Variants in MEF2D observed in about 807,000 individuals in gnomAD.
The protein encoded by MEF2D is myocyte-specific enhancer factor 2D.
MEF2D carries 10 observed loss-of-function variants against 59.3 expected under a neutral mutation model. That is an observed-to-expected ratio of 0.17 (90% CI 0.10 to 0.29). The LOEUF is 0.29. Ranked by LOEUF, MEF2D falls within the 10% of genes least tolerant of loss-of-function variation. The pLI is 1.00. For synonymous variants in MEF2D, 305 were observed against 295.0 expected (o/e 1.03, Z -0.35); for missense variants, 508 against 699.4 (o/e 0.73, Z 3.09).
At chr1:156,498,125 A>C (rs1020052163) in intron 1 of MEF2D, among the ~76,000 whole-genome samples, 8 of 150,794 alleles carry the variant, frequency 5.3e-5, no homozygotes, top group Middle Eastern at 3.2e-3. Context: ...AAAAAAAAAA[A>C]AACCCTGCTA....
intron 9 of MEF2D, among the ~76,000 whole-genome samples, chr1:156,470,694 T>C (rs184363634): frequency 6.6e-6 from 1 of 152,214 alleles, no homozygotes; most frequent in Non-Finnish European, 1.5e-5. Flanking sequence ...GTAAGTTACT[T>C]ACTCTGCCTA....
In MEF2D at chr1:156,483,355, A is replaced by AC; in HGVS notation, c.-64dup. The AC allele has an allele frequency of 6.9e-7, 1 of 1,459,016 alleles. No individual in the cohort carries two copies. The highest frequency in any genetic ancestry group is 9.6e-7 in the Non-Finnish European group (1 of 1,039,214). 90.4% of individuals were successfully genotyped at this position (1,459,016 alleles called of 1,614,324 possible). ...CTCGCTGGGTGGTGGGTCTCGGCACACCTTACACTGTGCTCATGAACGGTC... is the reference window on the plus strand; with the variant it reads ...CTCGCTGGGTGGTGGGTCTCGGCACACCCTTACACTGTGCTCATGAACGGTC... On this transcript the variant is annotated 5_prime_UTR_variant, in exon 2 of 12. Transcript: ENST00000348159.
chr1:156,493,024 C>G (rs1003829373), intron 1 of MEF2D, among the ~76,000 whole-genome samples: 1 of 152,190 alleles, frequency 6.6e-6, no homozygotes, highest in Non-Finnish European at 1.5e-5. Context: ...AGCAGACAGT[C>G]TCAGAAGGGC....
At position 156,500,687 on chromosome 1, in the gene MEF2D, A is replaced by C. The variant is rs918834149; in HGVS notation, c.-340T>G. The C allele has an allele frequency of 2.3e-4, 35 of 152,032 alleles. No individual in the cohort carries two copies. The highest frequency in any genetic ancestry group is 8.0e-4 in the African/African-American group (33 of 41,402). 9.4% of individuals were successfully genotyped at this position (152,032 alleles called of 1,614,324 possible). On this transcript the variant is annotated 5_prime_UTR_variant, in exon 1 of 12. Transcript: ENST00000348159. Reference sequence around the variant, plus strand: ...GGGGGCCAGCAGGCGGGCGGCAGGCAAGCGGGGAACCGGGGCCGAGCGCCT... The same window carrying C: ...GGGGGCCAGCAGGCGGGCGGCAGGCCAGCGGGGAACCGGGGCCGAGCGCCT...
rs775183372 is a variant in MEF2D at position 156,464,958 on chromosome 1, C to T, written c.*2687G>A. 3.3e-5 allele frequency: 5 copies of T among 152,250 alleles called. No individual in the cohort carries two copies. The highest frequency in any genetic ancestry group is 5.9e-5 in the Non-Finnish European group (4 of 68,058). 9.4% of individuals were successfully genotyped at this position (152,250 alleles called of 1,614,324 possible). ...AGGCCATTCATTCATTTATTGAGCA[C>T]CTATCATTCAACTATTCACCCATTC... On this transcript the variant is annotated 3_prime_UTR_variant, in exon 12 of 12. Transcript: ENST00000348159.
At position 156,464,092 on chromosome 1, in the gene MEF2D, C is replaced by A. The variant is rs947174478; in HGVS notation, c.*3553G>T. 1.3e-5 allele frequency: 2 copies of A among 152,534 alleles called. No individual in the cohort carries two copies. Among genetic ancestry groups the A allele is most frequent in the Non-Finnish European group, 2.9e-5 (2 of 68,048 alleles). The allele number at this position is 152,534 out of a possible 1,614,324, so 9.4% of individuals were successfully genotyped here. On this transcript the variant is annotated 3_prime_UTR_variant, in exon 12 of 12. Transcript: ENST00000348159. ...CAGATTCTCCATTCCAGCCTCCCTCCCCCCATACAAATACCATTCCTTCTA... is the reference window on the plus strand; with the variant it reads ...CAGATTCTCCATTCCAGCCTCCCTCACCCCATACAAATACCATTCCTTCTA...
At chr1:156,495,118 C>T (rs1673053153) in intron 1 of MEF2D, among the ~76,000 whole-genome samples, 1 of 152,152 alleles carries the variant, frequency 6.6e-6, no homozygotes, top group Admixed American at 6.5e-5. Flanking sequence ...GGGGCTTTCT[C>T]CATGACACTC....
At chr1:156,499,236 A>AT (rs1673329405) in intron 1 of MEF2D, among the ~76,000 whole-genome samples, 1 of 152,192 alleles carries the variant, frequency 6.6e-6, no homozygotes, top group East Asian at 1.9e-4. Flanking sequence ...CACTGAAGGG[A>AT]TAGGAGGAGG....
At chr1:156,480,615 G>A (rs776741839) in intron 4 of MEF2D, 3 of 1,533,158 alleles carry the variant, frequency 2.0e-6, no homozygotes. Flanking sequence ...TGCACCACAG[G>A]GAGGCTCTGC....
chr1:156,481,698 G>A (rs951597743), intron 3 of MEF2D, among the ~76,000 whole-genome samples: 1 of 152,172 alleles, frequency 6.6e-6, no homozygotes, highest in African/African-American at 2.4e-5. Context: ...TAAAAATAAG[G>A]GACTTTCCTC....
In MEF2D at chr1:156,479,623, A is replaced by G. The variant is rs1671850948; in HGVS notation, c.570T>C (p.Ser190=). 6.4e-7 allele frequency: 1 copy of G among 1,552,712 alleles called. No individual in the cohort carries two copies. The highest frequency in any genetic ancestry group is 8.7e-7 in the Non-Finnish European group (1 of 1,147,822). ...SPQQPALQRN[S]VSPGLPQRPA... is the part of the protein sequence containing the mutation. ...GCCGCTGGGGCAGGCCAGGAGACAC[A>G]CTGTTCCTCTGTAGTGCTGGCTGCT... Residue 190 remains serine, a synonymous_variant, in exon 5 of 12, where the codon AGT becomes AGC. Coordinates refer to ENST00000348159, the MANE Select transcript of MEF2D (RefSeq NM_005920.4).
chr1:156,499,455 T>C (rs7538905), intron 1 of MEF2D: 143,011 of 152,156 alleles, frequency 0.94, 67,329 homozygotes, highest in East Asian at 1. Context: ...GTCGGTGGCT[T>C]CTAGAGTGCC....
chr1:156,471,733 G>A (rs964739164), intron 9 of MEF2D, among the ~76,000 whole-genome samples: 2 of 152,218 alleles, frequency 1.3e-5, no homozygotes, highest in Non-Finnish European at 2.9e-5. Context: ...ACCCCCAGCC[G>A]GAACTTGAAC....
Position 156,464,741 on chromosome 1 carries a change from G to C in MEF2D, c.*2904C>G, listed in dbSNP as rs1206914799. The C allele has an allele frequency of 6.6e-6, 1 of 152,224 alleles. No individual in the cohort carries two copies. Among genetic ancestry groups the C allele is most frequent in the African/African-American group, 2.4e-5 (1 of 41,434 alleles). 9.4% of individuals were successfully genotyped at this position (152,224 alleles called of 1,614,324 possible). On this transcript the variant is annotated 3_prime_UTR_variant, in exon 12 of 12. Transcript: ENST00000348159. Reference sequence around the variant, plus strand: ...ACAGACCACCCCATCCCCAGGGACAGAGAAGAAAGGACACTGAAACATCCA... The same window carrying C: ...ACAGACCACCCCATCCCCAGGGACACAGAAGAAAGGACACTGAAACATCCA...
At position 156,464,920 on chromosome 1, in the gene MEF2D, G is replaced by A. The variant is rs1275000412; in HGVS notation, c.*2725C>T. ...GGTGGGCAGACTAATGGTGGGAATA[G>A]CCTGAGAAGGGAAGGCCATTCATTC... On this transcript the variant is annotated 3_prime_UTR_variant, in exon 12 of 12. Transcript: ENST00000348159. The A allele has an allele frequency of 6.6e-6, 1 of 152,266 alleles. No homozygotes were observed. Among genetic ancestry groups the A allele is most frequent in the Non-Finnish European group, 1.5e-5 (1 of 68,064 alleles). 9.4% of individuals were successfully genotyped at this position (152,266 alleles called of 1,614,324 possible). A position where few individuals can be genotyped will look rare whatever the true frequency, so the allele number is the denominator to read the frequency against.
chr1:156,469,442 G>C (rs2003401), intron 9 of MEF2D, among the ~76,000 whole-genome samples: 1 of 152,086 alleles, frequency 6.6e-6, no homozygotes, highest in Non-Finnish European at 1.5e-5. Context: ...ATTTTTAGTA[G>C]AGATGGGGTT....
chr1:156,488,669 C>T lies in MEF2D; in HGVS notation c.-138-5239G>A, dbSNP rs74116854. ...CATGGGAGAAGAAACAGGTCCCTGC[C>T]TCCCCCAATGCAACACCTCTGGGTA... On this transcript the variant is annotated intron_variant, in intron 1 of 11. Coordinates refer to ENST00000348159, the MANE Select transcript of MEF2D (RefSeq NM_005920.4). 9.5e-3 allele frequency among the ~76,000 whole-genome samples: 1,443 copies of T among 152,292 alleles called. 16 individuals are homozygous for T. Among genetic ancestry groups the T allele is most frequent in the South Asian group, 0.029 (139 of 4,826 alleles).
intron 3 of MEF2D, among the ~76,000 whole-genome samples, chr1:156,481,277 G>C (rs756211081): frequency 7.2e-5 from 11 of 152,168 alleles, no homozygotes; most frequent in African/African-American, 2.7e-4. Flanking sequence ...GGCTTCCAGG[G>C]GATGGGGCCT....
chr1:156,484,086 C>CT (rs1046416246), intron 1 of MEF2D: 2 of 152,184 alleles, frequency 1.3e-5, no homozygotes, highest in Admixed American at 1.3e-4. Flanking sequence ...CCTAAGGTTT[C>CT]TTTTTATTTT....
Sources: allele counts gnomAD v4.1 joint callset (sites outside exome capture counted in the v4.1 genomes callset), GRCh38; gene constraint gnomAD v4.1.1; transcripts MANE v1.5; gene names NCBI Gene and HGNC (gene_info 2026-07-23, HGNC 2026-07-21).